Variants in PAK2 observed in about 807,000 individuals in gnomAD.
PAK2 encodes serine/threonine-protein kinase PAK 2.
Under a neutral mutation model 65.9 loss-of-function variants are expected in PAK2, and 21 were observed. That is an observed-to-expected ratio of 0.32 (90% CI 0.23 to 0.46). PAK2 has a LOEUF of 0.46. Among genes scored for constraint, PAK2 ranks in the 20% least tolerant of loss-of-function variants. PAK2 has a pLI of 1.00. For synonymous variants in PAK2, 204 were observed against 219.7 expected (o/e 0.93, Z 0.63); for missense variants, 324 against 642.6 (o/e 0.50, Z 5.36).
chr3:196,743,740 G>C (rs148939727), intron 1 of PAK2, among the ~76,000 whole-genome samples: 2,310 of 150,906 alleles, frequency 0.015, 102 homozygotes, highest in Admixed American at 0.097. Context: ...ATATTAGCTG[G>C]GCGTGGTGGC....
At chr3:196,775,367 C>T (rs553157876) in intron 1 of PAK2, among the ~76,000 whole-genome samples, 1 of 151,828 alleles carries the variant, frequency 6.6e-6, no homozygotes, top group South Asian at 2.1e-4. Context: ...TAACATTGAA[C>T]AGTAGAAAAA....
At chr3:196,762,297 C>T (rs371550709) in intron 1 of PAK2, among the ~76,000 whole-genome samples, 4 of 130,974 alleles carry the variant, frequency 3.1e-5, no homozygotes, top group East Asian at 4.2e-4. Flanking sequence ...GACGGGGTGG[C>T]GGCCGGGCAG....
chr3:196,740,407 C>T (rs1713149573), intron 1 of PAK2, among the ~76,000 whole-genome samples: 1 of 152,176 alleles, frequency 6.6e-6, no homozygotes, highest in Non-Finnish European at 1.5e-5. Flanking sequence ...AGGTCTGACT[C>T]TTCCTGGACC....
At chr3:196,769,623 A>G (rs533255618) in intron 1 of PAK2, among the ~76,000 whole-genome samples, 54 of 145,154 alleles carry the variant, frequency 3.7e-4, no homozygotes, top group East Asian at 8.2e-4. Flanking sequence ...TGTCCTGGCT[A>G]ACACGGTGAA....
At chr3:196,806,889 T>C (rs1159463483) in intron 6 of PAK2, among the ~76,000 whole-genome samples, 2 of 152,188 alleles carry the variant, frequency 1.3e-5, no homozygotes, top group African/African-American at 4.8e-5. Flanking sequence ...GTGATGTCTT[T>C]AAAAGTTAAC....
chr3:196,763,834 C>T (rs2108723144), intron 1 of PAK2, among the ~76,000 whole-genome samples: 1 of 152,282 alleles, frequency 6.6e-6, no homozygotes, highest in South Asian at 2.1e-4. Flanking sequence ...GGCTCTGTCA[C>T]CCAGGCTGGA....
At chr3:196,784,003 G>T (rs564830235) in intron 2 of PAK2, among the ~76,000 whole-genome samples, 2 of 152,110 alleles carry the variant, frequency 1.3e-5, no homozygotes, top group African/African-American at 4.8e-5. Context: ...GAATAGTGTT[G>T]CTATGGATAA....
At chr3:196,804,808 T>G (rs74678702) in intron 4 of PAK2, among the ~76,000 whole-genome samples, 781 of 12,968 alleles carry the variant, frequency 0.06, 5 homozygotes, top group East Asian at 0.36. Context: ...GTGTGTGTGA[T>G]ATATATATAT....
At chr3:196,760,731 A>G (rs1223615884) in intron 1 of PAK2, among the ~76,000 whole-genome samples, 1 of 152,194 alleles carries the variant, frequency 6.6e-6, no homozygotes, top group Non-Finnish European at 1.5e-5. Context: ...GAAGATTCTG[A>G]AACAAGGTGT....
intron 2 of PAK2, among the ~76,000 whole-genome samples, chr3:196,795,103 C>A (rs538435773): frequency 1.3e-5 from 2 of 151,966 alleles, no homozygotes; most frequent in Non-Finnish European, 2.9e-5. Context: ...AATTTAACAA[C>A]ATTTGAGCAT....
rs905379640 is a variant in PAK2, at chr3:196,807,164, A to C, written c.576+478A>C. The stretch of plus-strand genomic sequence containing the variant: ...AATGATGACCTTAAATGGAGCCAGG[A>C]AGAGAGGAATGACTGCGGTTACCAT... On this transcript the variant is annotated intron_variant, in intron 6 of 14. Transcript: ENST00000327134. 9.3e-4 allele frequency among the ~76,000 whole-genome samples: 142 copies of C among 152,298 alleles called. 1 individual carries two copies. Among genetic ancestry groups the C allele is most frequent in the African/African-American group, 3.3e-3 (139 of 41,558 alleles).
chr3:196,814,648 G>A, intron 11 of PAK2, 80 bp downstream of exon 11: 1 of 721,744 alleles, frequency 1.4e-6, no homozygotes, highest in Admixed American at 2.3e-5. Flanking sequence ...TTCTGCACAG[G>A]TAATTGTTAT....
chr3:196,801,914 TA>T lies in PAK2; in HGVS notation c.188-11del. 3 of 1,369,138 alleles carry T rather than the reference TA, an allele frequency of 2.2e-6. No individual in the cohort carries two copies. The highest frequency in any genetic ancestry group is 2.1e-6 in the Non-Finnish European group (2 of 959,146). The allele number at this position is 1,369,138 out of a possible 1,614,324, so 84.8% of individuals were successfully genotyped here. A position where few individuals can be genotyped will look rare whatever the true frequency, so the allele number is the denominator to read the frequency against. Reference sequence around the variant, plus strand: ...TAGGCTGATTCTTTCTCTTTTTTTCTAATGCCCCCTAGGAAGTAAAAAGAAA... The same window carrying T: ...TAGGCTGATTCTTTCTCTTTTTTTCTATGCCCCCTAGGAAGTAAAAAGAAA... On this transcript the variant is annotated splice_polypyrimidine_tract_variant and intron_variant, in intron 2 of 14. Coordinates refer to ENST00000327134, the MANE Select transcript of PAK2 (RefSeq NM_002577.4).
chr3:196,759,498 G>GTTTTTTTTTT lies in PAK2; in HGVS notation c.-22+19371_-22+19380dup, dbSNP rs71301221. Among the ~76,000 whole-genome samples the GTTTTTTTTTT allele has an allele frequency of 3.0e-3, 325 of 108,078 alleles. 34 individuals carry two copies. The highest frequency in any genetic ancestry group is 5.1e-3 in the African/African-American group (144 of 27,968). The allele number at this position is 108,078 out of a possible 152,430, so 70.9% of individuals were successfully genotyped here. A position where few individuals can be genotyped will look rare whatever the true frequency, so the allele number is the denominator to read the frequency against. On this transcript the variant is annotated intron_variant, in intron 1 of 14. Transcript: ENST00000327134. The stretch of plus-strand genomic sequence containing the variant: ...GGTATACAGTTAAGTGGTTTTTTTT[G>GTTTTTTTTTT]TTTTTTTTTTTTTTTTTTTTTTTTT...
At chr3:196,745,282 A>ATTTTTTTTTT (rs34194625) in intron 1 of PAK2, among the ~76,000 whole-genome samples, 2 of 92,774 alleles carry the variant, frequency 2.2e-5, no homozygotes, top group African/African-American at 4.5e-5. Context: ...CACCCAACTG[A>ATTTTTTTTTT]TTTTTTTTTT....
At chr3:196,814,874 A>G (rs2108767966) in intron 11 of PAK2, among the ~76,000 whole-genome samples, 1 of 152,284 alleles carries the variant, frequency 6.6e-6, no homozygotes, top group East Asian at 1.9e-4. Flanking sequence ...AAAAGGGTAT[A>G]TATCATTAGA....
chr3:196,780,752 G>GGTA (rs1714680825), intron 1 of PAK2, among the ~76,000 whole-genome samples: 1 of 152,130 alleles, frequency 6.6e-6, no homozygotes, highest in Non-Finnish European at 1.5e-5. Flanking sequence ...AATAAAAGCT[G>GGTA]TAAGATTTGG....
chr3:196,759,382 T>C (rs1713870305), intron 1 of PAK2, among the ~76,000 whole-genome samples: 1 of 152,092 alleles, frequency 6.6e-6, no homozygotes, highest in Admixed American at 6.6e-5. Context: ...TCTGCATCTA[T>C]GTTTGGCCCA....
At chr3:196,786,553 A>G (rs1325960707) in intron 2 of PAK2, among the ~76,000 whole-genome samples, 1 of 152,136 alleles carries the variant, frequency 6.6e-6, no homozygotes, top group African/African-American at 2.4e-5. Flanking sequence ...TATTTTTTCT[A>G]TAGCTTGCCT....
Sources: allele counts gnomAD v4.1 joint callset (sites outside exome capture counted in the v4.1 genomes callset), GRCh38; gene constraint gnomAD v4.1.1; transcripts MANE v1.5; gene names NCBI Gene and HGNC (gene_info 2026-07-23, HGNC 2026-07-21).